Variants in DPY19L1 observed in about 807,000 individuals in gnomAD.
DPY19L1 encodes the protein dpy-19 like C-mannosyltransferase 1, also known as protein C-mannosyl-transferase DPY19L1.
DPY19L1 carries 35 observed loss-of-function variants against 96.9 expected under a neutral mutation model. That is an observed-to-expected ratio of 0.36 (90% CI 0.28 to 0.48). DPY19L1 has a LOEUF of 0.48. Among genes scored for constraint, DPY19L1 ranks in the 20% least tolerant of loss-of-function variants. DPY19L1 has a pLI of 0.99. For missense variants in DPY19L1, 521 were observed against 777.9 expected (o/e 0.67, Z 3.93); for synonymous variants, 205 against 252.6 (o/e 0.81, Z 1.79).
chr7:35,037,947 A>T, upstream of DPY19L1: 1 of 1,214,488 alleles, frequency 8.2e-7, no homozygotes, highest in Middle Eastern at 3.1e-4. Context: ...CGGGGCGCTG[A>T]TTCAAGTTTC....
intron 1 of DPY19L1, among the ~76,000 whole-genome samples, chr7:35,029,404 C>G (rs923891902): frequency 4.6e-5 from 7 of 152,112 alleles, no homozygotes; most frequent in African/African-American, 1.7e-4. Flanking sequence ...CTGCATCTCT[C>G]CACTAGAGTA....
chr7:34,959,918 T>TTTATATATATAA (rs1784461948), intron 10 of DPY19L1, among the ~76,000 whole-genome samples: 1 of 16,520 alleles, frequency 6.1e-5, no homozygotes, highest in South Asian at 1.1e-3. Context: ...TATATATATA[T>TTTATATATATAA]ATATATTTAT....
intron 6 of DPY19L1, among the ~76,000 whole-genome samples, chr7:34,994,288 T>C (rs1489990964): frequency 6.6e-6 from 1 of 152,148 alleles, no homozygotes; most frequent in Non-Finnish European, 1.5e-5. Context: ...CATTTTCTTA[T>C]GTCACTGGAA....
chr7:34,991,467 G>A (rs147103955), intron 6 of DPY19L1, among the ~76,000 whole-genome samples: 550 of 152,296 alleles, frequency 3.6e-3, no homozygotes, highest in Middle Eastern at 0.017. Context: ...GTACAGGCCA[G>A]GAAGTGGACG....
At chr7:34,966,029 C>T (rs1319212315) in intron 10 of DPY19L1, among the ~76,000 whole-genome samples, 2 of 151,884 alleles carry the variant, frequency 1.3e-5, no homozygotes, top group Non-Finnish European at 2.9e-5. Flanking sequence ...CTTCTAAAAT[C>T]TTTTTTTGTA....
chr7:35,006,294 TCCAAAATAATA>T (rs1426361657), intron 6 of DPY19L1, among the ~76,000 whole-genome samples: 7 of 152,150 alleles, frequency 4.6e-5, no homozygotes, highest in Non-Finnish European at 1.0e-4. Context: ...AACCCCGAAC[TCCAAAATAATA>T]CTAAAATCAC....
rs939777448 is a variant in DPY19L1 at position 35,025,278 on chromosome 7, T to G, written c.299-6682A>C. 3.3e-5 allele frequency among the ~76,000 whole-genome samples: 5 copies of G among 152,188 alleles called. No homozygotes were observed. The South Asian group carries it at 6.2e-4, about 19-fold the overall frequency. On this transcript the variant is annotated intron_variant, in intron 1 of 21. Coordinates refer to ENST00000638088, the MANE Select transcript of DPY19L1 (RefSeq NM_001366673.1). ...AACAAGTATCTAAATGCCTATTAGA[T>G]GCACAACACGTTTTCCTAGGAACCA...
At chr7:34,939,758 A>G (rs540833510) in intron 19 of DPY19L1, among the ~76,000 whole-genome samples, 2 of 152,340 alleles carry the variant, frequency 1.3e-5, no homozygotes, top group Admixed American at 6.5e-5. Context: ...AGATGACAAC[A>G]AAGTCTCCCT....
In DPY19L1 at chr7:34,937,074, G is replaced by C. The variant is rs536136186; in HGVS notation, c.2090+920C>G. ...GAATGTTTTGGTACTTTAAAAGCAG[G>C]CTACTGTCACCTGGTGTCCAGTCAC... On this transcript the variant is annotated intron_variant, in intron 21 of 21. Coordinates refer to ENST00000638088, the MANE Select transcript of DPY19L1 (RefSeq NM_001366673.1). 5.3e-5 allele frequency among the ~76,000 whole-genome samples: 8 copies of C among 152,276 alleles called. No homozygotes were observed. In the East Asian group the frequency reaches 1.3e-3, roughly 26 times the overall value.
At chr7:35,009,163 T>C (rs953523738) in intron 6 of DPY19L1, among the ~76,000 whole-genome samples, 1 of 152,214 alleles carries the variant, frequency 6.6e-6, no homozygotes. Flanking sequence ...CAAATGCTTA[T>C]CAAGTAACTG....
At chr7:35,020,031 G>A (rs1785955901) in intron 1 of DPY19L1, among the ~76,000 whole-genome samples, 1 of 152,074 alleles carries the variant, frequency 6.6e-6, no homozygotes, top group South Asian at 2.1e-4. Flanking sequence ...ACTCAGGAAG[G>A]CTGAGCTGGG....
intron 21 of DPY19L1, among the ~76,000 whole-genome samples, chr7:34,936,103 G>A (rs1713944163): frequency 6.6e-6 from 1 of 152,228 alleles, no homozygotes; most frequent in African/African-American, 2.4e-5. Context: ...GGGAAATCCA[G>A]CACACCCTCT....
intron 20 of DPY19L1, 51 bp from the exon 21 acceptor site, chr7:34,938,170 A>T: frequency 1.3e-6 from 2 of 1,561,272 alleles, no homozygotes; most frequent in Non-Finnish European, 1.8e-6. Context: ...AAACGATACA[A>T]TAACACATTT....
chr7:34,990,150 T>C (rs1465449091), intron 6 of DPY19L1, among the ~76,000 whole-genome samples: 3 of 152,242 alleles, frequency 2.0e-5, no homozygotes, highest in East Asian at 3.8e-4. Context: ...AATCATTTGC[T>C]ACCTTCAAAA....
In DPY19L1 at chr7:35,034,532, G is replaced by C. The variant is rs115801544; in HGVS notation, c.298+2565C>G. Among the ~76,000 whole-genome samples, 447 of 152,230 alleles carry C rather than the reference G, an allele frequency of 2.9e-3. 3 individuals are homozygous for C. The highest frequency in any genetic ancestry group is 0.011 in the African/African-American group (437 of 41,538). On this transcript the variant is annotated intron_variant, in intron 1 of 21. Transcript: ENST00000638088. ...TACAAATATTAGCACTAAATAAGTA[G>C]CAAATAATGCCCCACAATAAGAAAA... is the stretch of plus-strand genomic sequence containing the variant.
In DPY19L1 at chr7:34,938,163, C is replaced by A. The variant is rs148754909; in HGVS notation, c.1965-44G>T. On this transcript the variant is annotated intron_variant, in intron 20 of 21. Transcript: ENST00000638088. ...GGGCATAAAATTTTCAAGACTAAAA[C>A]GATACAATAACACATTTGGAAGAAA... 1.9e-6 allele frequency: 3 copies of A among 1,576,992 alleles called. No individual in the cohort carries two copies. The African/African-American group carries it at 4.1e-5, about 21-fold the overall frequency.
At chr7:34,945,629 AAC>A (rs201411102) in intron 16 of DPY19L1, 36 bp downstream of exon 16, 35,973 of 1,387,056 alleles carry the variant, frequency 0.026, 540 homozygotes, top group Non-Finnish European at 0.03. Flanking sequence ...TTAATAAATG[AAC>A]AGAGGAGGTA....
intron 20 of DPY19L1, 99 bp from the exon 21 acceptor site, chr7:34,938,218 A>G (rs1783914793): frequency 1.2e-5 from 16 of 1,324,268 alleles, no homozygotes; most frequent in Non-Finnish European, 1.5e-5. Flanking sequence ...GACGATGAAG[A>G]AGAATCCAGT....
chr7:35,036,395 T>C (rs1296845213), intron 1 of DPY19L1, among the ~76,000 whole-genome samples: 2 of 151,738 alleles, frequency 1.3e-5, no homozygotes, highest in Admixed American at 6.6e-5. Flanking sequence ...GTCCGAAACA[T>C]ACGAATGCGT....
Sources: allele counts gnomAD v4.1 joint callset (sites outside exome capture counted in the v4.1 genomes callset), GRCh38; gene constraint gnomAD v4.1.1; transcripts MANE v1.5; gene names NCBI Gene and HGNC (gene_info 2026-07-23, HGNC 2026-07-21).